Variants in CTNNA3 observed in about 807,000 individuals in gnomAD.
CTNNA3 encodes catenin alpha-3.
In CTNNA3, 76 loss-of-function variants were observed where a neutral mutation model predicts 95.7. The observed-to-expected ratio is 0.79, with a 90% CI of 0.66 to 0.96. The LOEUF is 0.96. CTNNA3 is among the 40% of genes least tolerant of loss of function. The pLI, the probability that CTNNA3 is intolerant of heterozygous loss-of-function variation, is 0.00. For missense variants in CTNNA3, 1,191 were observed against 1,089.8 expected (o/e 1.09, Z -1.31); for synonymous variants, 431 against 374.4 (o/e 1.15, Z -1.74).
intron 12 of CTNNA3, among the ~76,000 whole-genome samples, chr10:66,337,414 A>G (rs1444797710): frequency 6.6e-6 from 1 of 152,068 alleles, no homozygotes; most frequent in Non-Finnish European, 1.5e-5. Flanking sequence ...TGGCCACTTT[A>G]TACACATTAC....
At chr10:66,199,805 A>ATATGTATATATATATATT (rs1564756586) in intron 13 of CTNNA3, among the ~76,000 whole-genome samples, 3 of 14,292 alleles carry the variant, frequency 2.1e-4, no homozygotes, top group African/African-American at 3.9e-4. Context: ...ATATATATAT[A>ATATGTATATATATATATT]TTTTTTTTTT....
chr10:66,810,205 T>C (rs1841820330), intron 7 of CTNNA3, among the ~76,000 whole-genome samples: 1 of 152,208 alleles, frequency 6.6e-6, no homozygotes, highest in African/African-American at 2.4e-5. Flanking sequence ...TACCTATCCA[T>C]AGAATATAGC....
chr10:67,711,254 A>G (rs1841105838), intron 1 of CTNNA3, among the ~76,000 whole-genome samples: 1 of 152,240 alleles, frequency 6.6e-6, no homozygotes, highest in South Asian at 2.1e-4. Flanking sequence ...CTGAAAAGAT[A>G]CCCAAAAATG....
At chr10:66,212,286 A>C (rs993306130) in intron 13 of CTNNA3, among the ~76,000 whole-genome samples, 1 of 152,016 alleles carries the variant, frequency 6.6e-6, no homozygotes, top group African/African-American at 2.4e-5. Flanking sequence ...CAATGCGCCC[A>C]GCCAGCAACT....
chr10:66,053,109 T>C (rs1161328708), intron 15 of CTNNA3, among the ~76,000 whole-genome samples: 1 of 152,140 alleles, frequency 6.6e-6, no homozygotes, highest in African/African-American at 2.4e-5. Context: ...TGAACTATCT[T>C]ACTGTGTTTT....
chr10:65,957,614 G>A (rs1043140951), intron 17 of CTNNA3, among the ~76,000 whole-genome samples: 5 of 152,130 alleles, frequency 3.3e-5, no homozygotes, highest in Non-Finnish European at 5.9e-5. Flanking sequence ...GCATTTGCTT[G>A]TCTGTAAAGG....
At chr10:66,259,911 G>A (rs1215364410) in intron 13 of CTNNA3, among the ~76,000 whole-genome samples, 1 of 152,150 alleles carries the variant, frequency 6.6e-6, no homozygotes. Flanking sequence ...AAAGAGTTGA[G>A]CTGCAATTAG....
rs548479216 is a variant in CTNNA3 at position 67,691,043 on chromosome 10, C to T, written c.-6+4957G>A. Among the ~76,000 whole-genome samples, 1,401 of 152,328 alleles carry T rather than the reference C, an allele frequency of 9.2e-3. 25 individuals are homozygous for T. Among genetic ancestry groups the T allele is most frequent in the African/African-American group, 0.032 (1,332 of 41,578 alleles). The stretch of plus-strand genomic sequence containing the variant: ...AGTGCCTGCGATTGCAGGCGCGCGC[C>T]GCCACGCCTGACTGGTTTTCGTATT... On this transcript the variant is annotated intron_variant, in intron 1 of 17. Coordinates refer to ENST00000433211, the MANE Select transcript of CTNNA3 (RefSeq NM_013266.4).
At chr10:67,133,677 TC>T (rs1244118666) in intron 7 of CTNNA3, among the ~76,000 whole-genome samples, 1 of 151,948 alleles carries the variant, frequency 6.6e-6, no homozygotes, top group Non-Finnish European at 1.5e-5. Context: ...ATGCAGCAGA[TC>T]AACTCAAAGA....
At chr10:66,783,962 A>G (rs1473139389) in intron 7 of CTNNA3, among the ~76,000 whole-genome samples, 1 of 152,154 alleles carries the variant, frequency 6.6e-6, no homozygotes, top group Non-Finnish European at 1.5e-5. Context: ...TGGCGTTTGA[A>G]TAATAGACTG....
At chr10:66,484,429 G>A (rs1839654324) in intron 11 of CTNNA3, among the ~76,000 whole-genome samples, 1 of 151,852 alleles carries the variant, frequency 6.6e-6, no homozygotes, top group Non-Finnish European at 1.5e-5. Flanking sequence ...TTTGAAACTT[G>A]TATATTTTAG....
At chr10:66,616,817 T>C (rs1005033159) in intron 10 of CTNNA3, among the ~76,000 whole-genome samples, 1 of 152,070 alleles carries the variant, frequency 6.6e-6, no homozygotes, top group Non-Finnish European at 1.5e-5. Flanking sequence ...GGTCAGTATC[T>C]ATACATAAAA....
At chr10:66,748,789 C>T (rs979945632) in intron 9 of CTNNA3, among the ~76,000 whole-genome samples, 14 of 152,122 alleles carry the variant, frequency 9.2e-5, no homozygotes, top group African/African-American at 3.4e-4. Flanking sequence ...ATATACCCCT[C>T]TGTCTATATC....
chr10:66,840,199 T>G (rs966139562), intron 7 of CTNNA3, among the ~76,000 whole-genome samples: 3 of 152,118 alleles, frequency 2.0e-5, no homozygotes, highest in African/African-American at 7.2e-5. Context: ...CAGAGTAGAC[T>G]GACTGAATTA....
chr10:66,252,715 G>C (rs7070731), intron 13 of CTNNA3, among the ~76,000 whole-genome samples: 1 of 152,160 alleles, frequency 6.6e-6, no homozygotes, highest in Non-Finnish European at 1.5e-5. Flanking sequence ...AGCGGGTCTA[G>C]TGGAATGACA....
At chr10:66,312,687 C>G (rs536943010) in intron 12 of CTNNA3, among the ~76,000 whole-genome samples, 7 of 152,016 alleles carry the variant, frequency 4.6e-5, no homozygotes, top group Non-Finnish European at 1.0e-4. Flanking sequence ...GCTGGGACTA[C>G]AGGCATGCAT....
intron 6 of CTNNA3, among the ~76,000 whole-genome samples, chr10:67,219,264 C>T (rs762223252): frequency 6.6e-6 from 1 of 152,100 alleles, no homozygotes; most frequent in Non-Finnish European, 1.5e-5. Flanking sequence ...CAGATATGTC[C>T]CAAGCACATA....
chr10:66,162,961 T>C (rs2084928460), intron 13 of CTNNA3, among the ~76,000 whole-genome samples: 1 of 151,910 alleles, frequency 6.6e-6, no homozygotes, highest in South Asian at 2.1e-4. Context: ...GCTGCCTCTG[T>C]TGAGTCATGC....
chr10:66,115,636 G>GATAGAA (rs1354885363), intron 13 of CTNNA3, among the ~76,000 whole-genome samples: 3 of 147,984 alleles, frequency 2.0e-5, no homozygotes, highest in Admixed American at 6.7e-5. Context: ...TAGAGATAGA[G>GATAGAA]ATATAAACTG....
Sources: allele counts gnomAD v4.1 joint callset (sites outside exome capture counted in the v4.1 genomes callset), GRCh38; gene constraint gnomAD v4.1.1; transcripts MANE v1.5; gene names NCBI Gene and HGNC (gene_info 2026-07-23, HGNC 2026-07-21).